Variants in ZNF710 observed in about 807,000 individuals in gnomAD.
The protein encoded by ZNF710 is zinc finger protein 710.
A neutral mutation model predicts 50.6 loss-of-function variants in ZNF710; 13 were observed. That is an observed-to-expected ratio of 0.26 (90% CI 0.17 to 0.41). ZNF710 has a LOEUF of 0.41. Ranked by LOEUF, ZNF710 falls within the 10% of genes least tolerant of loss-of-function variation. The pLI, the probability that ZNF710 is intolerant of heterozygous loss-of-function variation, is 1.00. For missense variants in ZNF710, 721 were observed against 936.6 expected, an observed-to-expected ratio of 0.77 and a Z score of 3.01; for synonymous variants, 383 against 397.0, an observed-to-expected ratio of 0.96 and a Z score of 0.42.
chr15:90,068,088 C>A lies in ZNF710; in HGVS notation c.951C>A (p.His317Gln). ...ACCTGGTGACGCACATCCTGGGCCACAACGGCATCAAGCCACACTCGTGCC... is the reference window on the plus strand; with the variant it reads ...ACCTGGTGACGCACATCCTGGGCCAAAACGGCATCAAGCCACACTCGTGCC... ...KYNLVTHILG[H>Q]NGIKPHSCPH... is the part of the protein sequence containing the mutation. The change falls in exon 2 of 5, where the codon CAC becomes CAA. Residue 317 changes from histidine to glutamine, a missense_variant. Coordinates refer to ENST00000268154, the MANE Select transcript of ZNF710 (RefSeq NM_198526.4). This position sits in a 1 kb window ranked among gnomAD's most constrained non-coding sequence, Gnocchi z 5.0. 1 of 1,614,260 alleles carries A rather than the reference C, an allele frequency of 6.2e-7. No individual in the cohort carries two copies. Among genetic ancestry groups the A allele is most frequent in the Non-Finnish European group, 8.5e-7 (1 of 1,180,052 alleles).
intron 2 of ZNF710, among the ~76,000 whole-genome samples, chr15:90,072,638 C>G (rs1299951853): frequency 2.0e-5 from 3 of 152,176 alleles, no homozygotes; most frequent in Non-Finnish European, 4.4e-5. Context: ...AGTCCACAGA[C>G]AGCGGGCAGA....
intron 1 of ZNF710, among the ~76,000 whole-genome samples, chr15:90,054,976 A>G (rs77370736): frequency 0.012 from 1,776 of 152,226 alleles, 35 homozygotes; most frequent in African/African-American, 0.04. Flanking sequence ...GCCCTTGAAT[A>G]TGGGTATTCT....
In ZNF710 at chr15:90,075,909, C is replaced by T. The variant is rs77464736; in HGVS notation, c.1825+1619C>T. 3.5e-3 allele frequency: 530 copies of T among 152,354 alleles called. 4 individuals carry two copies. The highest frequency in any genetic ancestry group is 0.012 in the African/African-American group (487 of 41,574). The allele number at this position is 152,354 out of a possible 1,614,324, so 9.4% of individuals were successfully genotyped here. A position where few individuals can be genotyped will look rare whatever the true frequency, so the allele number is the denominator to read the frequency against. Reference sequence around the variant, plus strand: ...CTCCACCCACACCTGCTGAGTCAGACTCTACACTTCAAAAAGATCTCTGGG... The same window carrying T: ...CTCCACCCACACCTGCTGAGTCAGATTCTACACTTCAAAAAGATCTCTGGG... On this transcript the variant is annotated intron_variant, in intron 4 of 4. Coordinates refer to ENST00000268154, the MANE Select transcript of ZNF710 (RefSeq NM_198526.4).
chr15:90,029,091 G>T (rs1376510464), intron 1 of ZNF710, among the ~76,000 whole-genome samples: 1 of 152,222 alleles, frequency 6.6e-6, no homozygotes, highest in Non-Finnish European at 1.5e-5. Flanking sequence ...TCATGGCAGG[G>T]AAAGGCTGTG....
intron 1 of ZNF710, among the ~76,000 whole-genome samples, chr15:90,047,208 C>T (rs1039847208): frequency 6.6e-6 from 1 of 152,214 alleles, no homozygotes; most frequent in Non-Finnish European, 1.5e-5. Flanking sequence ...TCGATTCTCC[C>T]CTAAGAACTG....
intron 1 of ZNF710, among the ~76,000 whole-genome samples, chr15:90,032,685 G>C (rs1268406826): frequency 6.6e-6 from 1 of 151,796 alleles, no homozygotes; most frequent in Non-Finnish European, 1.5e-5. Context: ...GGCTGAGGCA[G>C]GAGAATTGCT....
intron 1 of ZNF710, among the ~76,000 whole-genome samples, chr15:90,048,576 C>G (rs1177814036): frequency 2.0e-5 from 3 of 152,214 alleles, no homozygotes; most frequent in Non-Finnish European, 4.4e-5. Context: ...CAGCCCTTCC[C>G]TCTGACCCAT....
intron 2 of ZNF710, among the ~76,000 whole-genome samples, chr15:90,071,845 A>T (rs574015504): frequency 1.3e-4 from 20 of 151,838 alleles, no homozygotes; most frequent in African/African-American, 4.3e-4. Flanking sequence ...TCAGCTAATT[A>T]TTGTATTTTT....
intron 2 of ZNF710, among the ~76,000 whole-genome samples, chr15:90,071,105 A>G (rs930601365): frequency 6.6e-6 from 1 of 152,016 alleles, no homozygotes; most frequent in African/African-American, 2.4e-5. Flanking sequence ...TACTAAAAAT[A>G]CAAAAATTAG....
rs1193495116 is a variant in ZNF710 at position 90,034,911 on chromosome 15, T to C, written c.-28-32199T>C. On this transcript the variant is annotated intron_variant, in intron 1 of 4. Coordinates refer to ENST00000268154, the MANE Select transcript of ZNF710 (RefSeq NM_198526.4). The surrounding 1 kb of genome is among the most constrained non-coding windows in gnomAD (Gnocchi z 4.0). ...CCCAGAAACGATGCTGTTAGGACCC[T>C]CTGTTCACTCAGAGAAAGAGGCTTG... Among the ~76,000 whole-genome samples the C allele has an allele frequency of 6.6e-6, 1 of 152,200 alleles. No individual in the cohort carries two copies. Among genetic ancestry groups the C allele is most frequent in the Admixed American group, 6.5e-5 (1 of 15,280 alleles).
intron 1 of ZNF710, among the ~76,000 whole-genome samples, chr15:90,035,386 A>T (rs1235523865): frequency 6.6e-6 from 1 of 152,196 alleles, no homozygotes; most frequent in Non-Finnish European, 1.5e-5. Flanking sequence ...CTCTTGGTGG[A>T]CAGGTTTGCA....
intron 1 of ZNF710, among the ~76,000 whole-genome samples, chr15:90,053,008 C>G (rs941789238): frequency 8.2e-6 from 1 of 121,300 alleles, no homozygotes; most frequent in Non-Finnish European, 1.8e-5. Flanking sequence ...TGTGCCTGGT[C>G]CATAATATGA....
In ZNF710 at chr15:90,059,249, C is replaced by G. The variant is rs549206920; in HGVS notation, c.-28-7861C>G. 1.3e-5 allele frequency among the ~76,000 whole-genome samples: 2 copies of G among 152,284 alleles called. No individual in the cohort carries two copies. Among genetic ancestry groups the G allele is most frequent in the Middle Eastern group, 6.8e-3 (2 of 294 alleles). On this transcript the variant is annotated intron_variant, in intron 1 of 4. Transcript: ENST00000268154. The surrounding 1 kb of genome is among the most constrained non-coding windows in gnomAD (Gnocchi z 4.1). ...GCAGAGGCCCCAAGGTAGGAAACAT[C>G]GGTGAGTTGGGGGCAGAGGGGCAGT...
chr15:90,014,079 T>TA (rs754218138), intron 1 of ZNF710, among the ~76,000 whole-genome samples: 1,505 of 140,288 alleles, frequency 0.011, 23 homozygotes, highest in African/African-American at 0.031. Flanking sequence ...TGAATAGTAA[T>TA]AAAAAAAAAA....
At chr15:90,021,009 A>ACCCCC (rs532595178) in intron 1 of ZNF710, among the ~76,000 whole-genome samples, 24 of 91,226 alleles carry the variant, frequency 2.6e-4, no homozygotes, top group African/African-American at 8.8e-4. Context: ...AGGGTGTGGC[A>ACCCCC]CCCCCCCCCC....
chr15:90,048,846 A>ATT (rs1253413997), intron 1 of ZNF710, among the ~76,000 whole-genome samples: 2 of 152,178 alleles, frequency 1.3e-5, no homozygotes, highest in Non-Finnish European at 2.9e-5. Flanking sequence ...GGACCCTCAC[A>ATT]GCCCCACAGG....
At chr15:89,998,900 G>A (rs1162960719), upstream of ZNF710, among the ~76,000 whole-genome samples, 2 of 152,174 alleles carry the variant, frequency 1.3e-5, no homozygotes, top group African/African-American at 4.8e-5. Context: ...ATTCACTGAA[G>A]TTATGTTATT....
rs1188777444 is a variant in ZNF710, at chr15:90,080,583, CCG to C, written c.*757_*758del. The C allele has an allele frequency of 1.3e-5, 2 of 152,572 alleles. No homozygotes were observed. The highest frequency in any genetic ancestry group is 2.9e-5 in the Non-Finnish European group (2 of 68,218). 9.5% of individuals were successfully genotyped at this position (152,572 alleles called of 1,614,324 possible). Reference sequence around the variant, plus strand: ...ACTAGGAACAAAGCCAGGACAGGCCCCGCGTCAGGCACACACTAACAAAACCA... The same window carrying C: ...ACTAGGAACAAAGCCAGGACAGGCCCCGTCAGGCACACACTAACAAAACCA... On this transcript the variant is annotated 3_prime_UTR_variant, in exon 5 of 5. Transcript: ENST00000268154.
chr15:90,070,646 C>CA (rs1417548174), intron 2 of ZNF710, among the ~76,000 whole-genome samples: 1 of 151,228 alleles, frequency 6.6e-6, no homozygotes, highest in African/African-American at 2.4e-5. Context: ...GACTCTATCT[C>CA]AAAAAAAAGA....
Sources: allele counts gnomAD v4.1 joint callset (sites outside exome capture counted in the v4.1 genomes callset), GRCh38; gene constraint gnomAD v4.1.1; non-coding constraint Gnocchi (gnomAD v3.1); transcripts MANE v1.5; gene names NCBI Gene and HGNC (gene_info 2026-07-23, HGNC 2026-07-21).